The following C7orf78 variants were observed in gnomAD, a reference collection of about 807,000 sequenced individuals.
The protein encoded by C7orf78 is chromosome 7 open reading frame 78.
At chr7:12,493,217 T>A in the C7orf78 span, among the ~76,000 whole-genome samples, 1 of 152,166 alleles carries the variant, frequency 6.6e-6, no homozygotes, top group Non-Finnish European at 1.5e-5. Flanking sequence ...AATAAATCTA[T>A]AAAATCCTTA....
At chr7:12,499,667 T>A in the C7orf78 span, among the ~76,000 whole-genome samples, 2 of 151,716 alleles carry the variant, frequency 1.3e-5, no homozygotes, top group African/African-American at 4.8e-5. Flanking sequence ...ATTAGACAGA[T>A]CAAGGAAACA....
the C7orf78 span, among the ~76,000 whole-genome samples, chr7:12,538,617 G>A: frequency 6.6e-6 from 1 of 152,110 alleles, no homozygotes; most frequent in African/African-American, 2.4e-5. Flanking sequence ...CTTGCCCTAA[G>A]TCCCTGCCTC....
chr7:12,497,372 C>T, the C7orf78 span, among the ~76,000 whole-genome samples: 2 of 152,174 alleles, frequency 1.3e-5, no homozygotes, highest in South Asian at 2.1e-4. Flanking sequence ...GTGCGCACAC[C>T]GTGCGCGAGC....
At chr7:12,505,648 T>C in the C7orf78 span, among the ~76,000 whole-genome samples, 1 of 152,182 alleles carries the variant, frequency 6.6e-6, no homozygotes, top group Non-Finnish European at 1.5e-5. Flanking sequence ...AAAAGCAACA[T>C]TTACTATTAA....
chr7:12,488,443 GCTTA>G, the C7orf78 span, among the ~76,000 whole-genome samples: 1 of 151,962 alleles, frequency 6.6e-6, no homozygotes, highest in Non-Finnish European at 1.5e-5. Flanking sequence ...CTAAATTGTA[GCTTA>G]CTGTCAATTA....
chr7:12,485,989 A>G, the C7orf78 span, among the ~76,000 whole-genome samples: 1 of 152,120 alleles, frequency 6.6e-6, no homozygotes, highest in African/African-American at 2.4e-5. Context: ...GACATAGCTC[A>G]TGAAAAGGTA....
chr7:12,503,255 A>G, the C7orf78 span, among the ~76,000 whole-genome samples: 1 of 150,804 alleles, frequency 6.6e-6, no homozygotes, highest in Non-Finnish European at 1.5e-5. Context: ...AAATAAAAGA[A>G]GGAAACACAA....
At chr7:12,494,661 C>T in the C7orf78 span, among the ~76,000 whole-genome samples, 7 of 152,138 alleles carry the variant, frequency 4.6e-5, no homozygotes, top group Non-Finnish European at 7.4e-5. Context: ...TATTTCCCTA[C>T]AGCAATAACT....
At chr7:12,510,299 C>T in the C7orf78 span, among the ~76,000 whole-genome samples, 1 of 152,018 alleles carries the variant, frequency 6.6e-6, no homozygotes, top group Non-Finnish European at 1.5e-5. Flanking sequence ...ATCTTCCTAC[C>T]TCAGCCTCCC....
the C7orf78 span, among the ~76,000 whole-genome samples, chr7:12,532,642 T>C: frequency 2.6e-5 from 4 of 152,074 alleles, no homozygotes; most frequent in African/African-American, 7.2e-5. Flanking sequence ...CCACTATGAA[T>C]AGTCGAAGTT....
the C7orf78 span, among the ~76,000 whole-genome samples, chr7:12,496,265 A>G: frequency 2.6e-5 from 4 of 152,194 alleles, no homozygotes; most frequent in African/African-American, 9.7e-5. Flanking sequence ...CTAATTTGGA[A>G]ATTCAGAAAT....
the C7orf78 span, among the ~76,000 whole-genome samples, chr7:12,507,908 G>A: frequency 3.3e-5 from 5 of 152,264 alleles, no homozygotes; most frequent in East Asian, 1.9e-4. Flanking sequence ...TTACCAGACC[G>A]TCTTTTCAGT....
chr7:12,500,144 G>T, the C7orf78 span, among the ~76,000 whole-genome samples: 1 of 142,710 alleles, frequency 7.0e-6, no homozygotes, highest in African/African-American at 2.6e-5. Context: ...ATCCAAAATT[G>T]ACACCCTAAC....
chr7:12,499,439 G>C, the C7orf78 span, among the ~76,000 whole-genome samples: 2 of 150,428 alleles, frequency 1.3e-5, no homozygotes, highest in South Asian at 4.2e-4. Context: ...CCTAGTCTCT[G>C]ATAAAACAGA....
the C7orf78 span, among the ~76,000 whole-genome samples, chr7:12,533,465 T>A: frequency 6.6e-6 from 1 of 151,188 alleles, no homozygotes; most frequent in Non-Finnish European, 1.5e-5. Context: ...CCTCCAAAAG[T>A]GCTGGGATTA....
At chr7:12,512,244 G>C in the C7orf78 span, among the ~76,000 whole-genome samples, 1 of 152,090 alleles carries the variant, frequency 6.6e-6, no homozygotes, top group Non-Finnish European at 1.5e-5. Context: ...AGTGGTGAAA[G>C]TGGGTATTTT....
chr7:12,500,294 T>G, the C7orf78 span, among the ~76,000 whole-genome samples: 5 of 151,742 alleles, frequency 3.3e-5, no homozygotes, highest in East Asian at 1.9e-4. Context: ...TCCAGGAGCT[T>G]GTTTTTTGAA....
the C7orf78 span, among the ~76,000 whole-genome samples, chr7:12,503,013 C>T: frequency 1.7e-4 from 24 of 144,316 alleles, no homozygotes; most frequent in Admixed American, 1.3e-3. Flanking sequence ...TATTCTCACT[C>T]ATAGGTGGGA....
chr7:12,524,305 A>G, the C7orf78 span, among the ~76,000 whole-genome samples: 160 of 152,314 alleles, frequency 1.1e-3, no homozygotes, highest in African/African-American at 3.8e-3. Flanking sequence ...TGAAATGTTG[A>G]GGTATTCGAT....
Sources: gnomAD v4.1 joint callset for allele counts (sites outside exome capture counted in the v4.1 genomes callset) on GRCh38, gnomAD v4.1.1 for gene constraint, MANE v1.5 for transcripts, NCBI Gene and HGNC (gene_info 2026-07-23, HGNC 2026-07-21) for gene names.